Variants in ZNF573 observed in about 807,000 individuals in gnomAD.
ZNF573 encodes the protein zinc finger protein 573.
A neutral mutation model predicts 57.4 loss-of-function variants in ZNF573; 41 were observed. The ratio of observed to expected loss-of-function variants is 0.71; its 90% confidence interval spans 0.56 to 0.93. ZNF573 has a LOEUF of 0.93. Among genes scored for constraint, ZNF573 ranks in the 40% least tolerant of loss-of-function variants. The pLI, the probability that ZNF573 is intolerant of heterozygous loss-of-function variation, is 0.00. For synonymous variants in ZNF573, 249 were observed against 261.0 expected (o/e 0.95, Z 0.44); for missense variants, 730 against 794.8 (o/e 0.92, Z 0.98).
intron 4 of ZNF573, among the ~76,000 whole-genome samples, chr19:37,761,045 A>G (rs2045547771): frequency 6.6e-6 from 1 of 151,730 alleles, no homozygotes; most frequent in Non-Finnish European, 1.5e-5. Context: ...AAAAACTACA[A>G]AAATTAGCTG....
At chr19:37,752,031 GTA>G (rs1226532255) in intron 4 of ZNF573, among the ~76,000 whole-genome samples, 1 of 149,828 alleles carries the variant, frequency 6.7e-6, no homozygotes, top group Non-Finnish European at 1.5e-5. Context: ...TATATATACT[GTA>G]TATAGTATAT....
chr19:37,760,226 A>G (rs1422254491), intron 4 of ZNF573, among the ~76,000 whole-genome samples: 1 of 152,200 alleles, frequency 6.6e-6, no homozygotes, highest in African/African-American at 2.4e-5. Flanking sequence ...GGCGTTCCCA[A>G]TAAAAGGAAC....
intron 4 of ZNF573, among the ~76,000 whole-genome samples, chr19:37,761,846 G>C (rs1020653545): frequency 1.3e-5 from 2 of 152,192 alleles, no homozygotes; most frequent in Non-Finnish European, 1.5e-5. Flanking sequence ...CCTGTGTCAT[G>C]AAAAAGTATG....
At chr19:37,746,554 G>A (rs753904985) in intron 4 of ZNF573, among the ~76,000 whole-genome samples, 6 of 152,082 alleles carry the variant, frequency 3.9e-5, no homozygotes, top group Middle Eastern at 3.4e-3. Context: ...AGCATACATC[G>A]GCGAATGTGC....
At position 37,740,141 on chromosome 19, in the gene ZNF573, T is replaced by C; in HGVS notation, c.349A>G (p.Thr117Ala). ...ISYIEVPTYE[T>A]DISSTQLQSI... is the part of the protein sequence containing the mutation. Reference sequence around the variant, plus strand: ...TGAAGTTGTGTAGAGGATATATCTGTTTCATAAGTGGGTACTTCTATGTAG... The same window carrying C: ...TGAAGTTGTGTAGAGGATATATCTGCTTCATAAGTGGGTACTTCTATGTAG... The change falls in exon 5 of 5, where the codon ACA (threonine) becomes GCA (alanine). Residue 117 changes from threonine to alanine, a missense_variant. Coordinates refer to ENST00000536220, the MANE Select transcript of ZNF573 (RefSeq NM_001172690.2). 6.2e-7 allele frequency: 1 copy of C among 1,608,334 alleles called. No individual in the cohort carries two copies. The highest frequency in any genetic ancestry group is 8.5e-7 in the Non-Finnish European group (1 of 1,176,648).
chr19:37,771,200 G>C (rs373425658), intron 3 of ZNF573, among the ~76,000 whole-genome samples: 3 of 151,662 alleles, frequency 2.0e-5, no homozygotes, highest in Non-Finnish European at 4.4e-5. Context: ...TGATGACACA[G>C]CATATCTATA....
chr19:37,742,564 C>G (rs2045337169), intron 4 of ZNF573, among the ~76,000 whole-genome samples: 1 of 152,172 alleles, frequency 6.6e-6, no homozygotes, highest in Admixed American at 6.5e-5. Flanking sequence ...CTGCCACAAA[C>G]AAGCAATGGG....
chr19:37,752,061 G>C (rs1266190083), intron 4 of ZNF573, among the ~76,000 whole-genome samples: 4 of 151,304 alleles, frequency 2.6e-5, no homozygotes, highest in Non-Finnish European at 5.9e-5. Flanking sequence ...TATATAGACA[G>C]AAAGACTATG....
Position 37,740,207 on chromosome 19 carries a change from A to T in ZNF573, c.296-13T>A. On this transcript the variant is annotated splice_polypyrimidine_tract_variant and intron_variant, in intron 4 of 4. Transcript: ENST00000536220. ...TGTAAATCCAAATCTGAAACAAAAG[A>T]GGACAACAAAAAAAATTTGTATTTC... The T allele has an allele frequency of 6.5e-7, 1 of 1,535,360 alleles. No homozygotes were observed. The highest frequency in any genetic ancestry group is 2.3e-5 in the East Asian group (1 of 44,096).
rs2045311349 is a variant in ZNF573 at position 37,740,047 on chromosome 19, T to G, written c.443A>C (p.Gln148Pro). The change falls in exon 5 of 5, where the codon CAA (glutamine) becomes CCA (proline). Residue 148 changes from glutamine (Q) to proline (P), a missense_variant. Physicochemically the swap from Gln to Pro is moderately conservative, Grantham distance 76. Coordinates refer to ENST00000536220, the MANE Select transcript of ZNF573 (RefSeq NM_001172690.2). ...ATGAAACCTGTGATGTAGAATAAGT[T>G]GATAACCACTACTAAATTTCTTCTG... Reference protein sequence around the residue: ...KCQKKFSSGYQLILHHRFHVI... With the variant: ...KCQKKFSSGYPLILHHRFHVI... The G allele has an allele frequency of 6.2e-7, 1 of 1,614,170 alleles. No homozygotes were observed. Among genetic ancestry groups the G allele is most frequent in the Non-Finnish European group, 8.5e-7 (1 of 1,180,002 alleles).
rs2045299188 is a variant in ZNF573 at position 37,739,359 on chromosome 19, C to A, written c.1131G>T (p.Gln377His). The part of the protein sequence containing the change: ...FTLYRNLTRH[Q>H]NIHTGEKLFE... ...AAAGTTTCTCACCAGTATGAATATTCTGATGCCGAGTAAGATTTCTATACA... is the reference window on the plus strand; with the variant it reads ...AAAGTTTCTCACCAGTATGAATATTATGATGCCGAGTAAGATTTCTATACA... The change falls in exon 5 of 5, where the codon CAG becomes CAT. Residue 377 changes from glutamine (Q) to histidine (H), a missense_variant. By Grantham distance (24) the Gln-to-His change is conservative. Transcript: ENST00000536220. 1 of 1,614,044 alleles carries A rather than the reference C, an allele frequency of 6.2e-7. No homozygotes were observed. The highest frequency in any genetic ancestry group is 1.1e-5 in the South Asian group (1 of 91,068).
At chr19:37,770,167 T>A in intron 3 of ZNF573, 70 bp from the exon 4 acceptor site, 1 of 1,242,570 alleles carries the variant, frequency 8.0e-7, no homozygotes, top group South Asian at 1.5e-5. Context: ...TGAGCTTTGA[T>A]TAAATTTACA....
intron 4 of ZNF573, 39 bp from the exon 5 acceptor site, chr19:37,740,233 T>C (rs374071586): frequency 9.3e-6 from 14 of 1,504,682 alleles, no homozygotes; most frequent in African/African-American, 1.4e-5. Context: ...TTTGTATTTC[T>C]ATACCAGAGA....
At position 37,750,676 on chromosome 19, in the gene ZNF573, T is replaced by C. The variant is rs186881297; in HGVS notation, c.296-10482A>G. On this transcript the variant is annotated intron_variant, in intron 4 of 4. Transcript: ENST00000536220. ...CAAACCTCCTCCATGTGAAAGAGTA[T>C]TTATATAAATTGTTAAAAAACATAC... 2.2e-3 allele frequency among the ~76,000 whole-genome samples: 327 copies of C among 151,876 alleles called. 1 individual carries two copies. The highest frequency in any genetic ancestry group is 3.3e-3 in the Non-Finnish European group (226 of 67,954).
chr19:37,739,762 C>T lies in ZNF573; in HGVS notation c.728G>A (p.Gly243Glu). The T allele has an allele frequency of 6.2e-7, 1 of 1,613,956 alleles. No individual in the cohort carries two copies. Among genetic ancestry groups the T allele is most frequent in the South Asian group, 1.1e-5 (1 of 91,060 alleles). Residue 243 changes from glycine to glutamate, a missense_variant, in exon 5 of 5, where the codon GGG becomes GAG. Gly to Glu is a moderately conservative substitution (Grantham distance 98). Transcript: ENST00000536220. ...ACACTCCTGACATTCATACGGCTTCCCACCAGTGTGAATTCTCTCATGTTG... is the reference window on the plus strand; with the variant it reads ...ACACTCCTGACATTCATACGGCTTCTCACCAGTGTGAATTCTCTCATGTTG... The part of the protein sequence containing the change: ...IVQHERIHTG[G>E]KPYECQECGR...
chr19:37,761,120 G>A (rs1026225087), intron 4 of ZNF573, among the ~76,000 whole-genome samples: 1 of 152,144 alleles, frequency 6.6e-6, no homozygotes, highest in African/African-American at 2.4e-5. Flanking sequence ...AGCCTGGGAG[G>A]CGGAGGTGGC....
intron 4 of ZNF573, among the ~76,000 whole-genome samples, chr19:37,769,133 T>C (rs1271840086): frequency 1.3e-5 from 2 of 151,518 alleles, no homozygotes; most frequent in Admixed American, 1.3e-4. Context: ...CCTGGCTAAT[T>C]TTTGTATTTT....
chr19:37,771,050 G>A (rs1287008104), intron 3 of ZNF573, among the ~76,000 whole-genome samples: 1 of 150,574 alleles, frequency 6.6e-6, no homozygotes, highest in Non-Finnish European at 1.5e-5. Context: ...CATACAAATT[G>A]GCTACAGGAA....
chr19:37,765,932 T>C lies in ZNF573; in HGVS notation c.295+4073A>G, dbSNP rs2045598020. Among the ~76,000 whole-genome samples the C allele has an allele frequency of 7.4e-5, 11 of 148,714 alleles. No individual in the cohort carries two copies. The East Asian group carries it at 1.0e-3, about 14-fold the overall frequency. ...GTGCATGCCTGTAATCCCAGCTACT[T>C]GGGAGGCTGAGGCAGGAGAATGGCT... On this transcript the variant is annotated intron_variant, in intron 4 of 4. Transcript: ENST00000536220.
Sources: gnomAD v4.1 joint callset for allele counts (sites outside exome capture counted in the v4.1 genomes callset) on GRCh38, gnomAD v4.1.1 for gene constraint, MANE v1.5 for transcripts, NCBI Gene and HGNC (gene_info 2026-07-23, HGNC 2026-07-21) for gene names.